The following ESRP1 variants were observed in gnomAD, a reference collection of about 807,000 sequenced individuals.
ESRP1 encodes the protein RNA-binding motif protein 35A.
In ESRP1, 33 loss-of-function variants were observed where a neutral mutation model predicts 81.7. The observed-to-expected ratio is 0.40, with a 90% confidence interval of 0.31 to 0.54. The LOEUF (loss-of-function observed/expected upper bound fraction) is 0.54. Ranked by LOEUF, ESRP1 falls within the 20% of genes least tolerant of loss-of-function variation. The probability of loss-of-function intolerance (pLI) is 0.41; values close to 1 mark genes in which losing one functional copy is unlikely to be tolerated. For synonymous variants in ESRP1, 320 were observed against 303.3 expected (o/e 1.06, Z -0.57); for missense variants, 672 against 833.1 (o/e 0.81, Z 2.38).
chr8:94,655,068 TGTGTG>T (rs1586185717), intron 4 of ESRP1, among the ~76,000 whole-genome samples: 2 of 146,014 alleles, frequency 1.4e-5, no homozygotes, highest in East Asian at 2.0e-4. Flanking sequence ...GGGTTTTTTG[TGTGTG>T]TGTGTGTGTG....
intron 4 of ESRP1, among the ~76,000 whole-genome samples, chr8:94,662,053 G>A (rs1052741919): frequency 3.9e-5 from 6 of 152,118 alleles, no homozygotes; most frequent in African/African-American, 1.2e-4. Flanking sequence ...TTGTATTCCT[G>A]GTAATATCTC....
At chr8:94,698,562 A>G (rs1809695540) in intron 15 of ESRP1, among the ~76,000 whole-genome samples, 1 of 152,228 alleles carries the variant, frequency 6.6e-6, no homozygotes, top group Admixed American at 6.5e-5. Flanking sequence ...CTCAGTCCCC[A>G]TTAATCCACA....
intron 11 of ESRP1, 111 bp from the exon 12 acceptor site, chr8:94,674,197 C>A: frequency 8.1e-7 from 1 of 1,231,334 alleles, no homozygotes; most frequent in Non-Finnish European, 1.1e-6. Flanking sequence ...GATTTTGTGG[C>A]TAAAATATCT....
chr8:94,703,248 G>A (rs893655945), intron 15 of ESRP1, among the ~76,000 whole-genome samples: 18 of 151,438 alleles, frequency 1.2e-4, no homozygotes, highest in African/African-American at 3.9e-4. Context: ...TCCACCTCCC[G>A]GGTTCAAGCG....
chr8:94,644,935 A>C (rs1265044321), intron 3 of ESRP1, among the ~76,000 whole-genome samples: 3 of 147,144 alleles, frequency 2.0e-5, no homozygotes, highest in African/African-American at 5.5e-5. Context: ...CATTATTTAC[A>C]AAGAGCATTC....
At chr8:94,642,746 G>A (rs1182050924) in intron 2 of ESRP1, among the ~76,000 whole-genome samples, 1 of 152,190 alleles carries the variant, frequency 6.6e-6, no homozygotes, top group Admixed American at 6.5e-5. Context: ...GTGCTGACGG[G>A]TGCCGGATCG....
At chr8:94,681,090 C>G (rs982163406) in intron 13 of ESRP1, among the ~76,000 whole-genome samples, 2 of 151,662 alleles carry the variant, frequency 1.3e-5, no homozygotes, top group African/African-American at 4.8e-5. Context: ...CTTTGGGAGG[C>G]CAAGGTGGAC....
intron 13 of ESRP1, among the ~76,000 whole-genome samples, chr8:94,692,026 G>C (rs1809421094): frequency 6.6e-6 from 1 of 152,132 alleles, no homozygotes; most frequent in South Asian, 2.1e-4. Context: ...TTCCTTGGAG[G>C]TTATGGTTGC....
chr8:94,641,521 A>AG lies in ESRP1; in HGVS notation c.132+77dup, dbSNP rs1208901784. ...GTTTGTGGTAGAGGTTTGGGCGGGGAGGGGGGTGGAGGTAAGTAAATAAGT... is the reference window on the plus strand; with the variant it reads ...GTTTGTGGTAGAGGTTTGGGCGGGGAGGGGGGGTGGAGGTAAGTAAATAAGT... On this transcript the variant is annotated intron_variant, in intron 1 of 15. Coordinates refer to ENST00000433389, the MANE Select transcript of ESRP1 (RefSeq NM_017697.4). The AG allele has an allele frequency of 1.3e-5, 20 of 1,582,380 alleles. No homozygotes were observed. The African/African-American group carries it at 2.3e-4, about 18-fold the overall frequency.
Position 94,706,027 on chromosome 8 carries a change from AAC to A in ESRP1, c.*139_*140del. On this transcript the variant is annotated 3_prime_UTR_variant, in exon 16 of 16. Transcript: ENST00000433389. ...CACTCAGGCTGCAGTATTTTCAGCA[AAC>A]TTGATTGGACAAACGGGCCTGTGCC... The A allele has an allele frequency of 7.2e-7, 1 of 1,382,832 alleles. No homozygotes were observed. The highest frequency in any genetic ancestry group is 9.8e-7 in the Non-Finnish European group (1 of 1,022,072). The allele number at this position is 1,382,832 out of a possible 1,614,324, so 85.7% of individuals were successfully genotyped here.
chr8:94,653,958 C>A (rs1453258299), intron 4 of ESRP1, among the ~76,000 whole-genome samples: 1 of 152,210 alleles, frequency 6.6e-6, no homozygotes, highest in Non-Finnish European at 1.5e-5. Context: ...AGTGAAGTGA[C>A]TAGAAATACT....
chr8:94,663,502 T>A (rs1315387228), intron 6 of ESRP1, among the ~76,000 whole-genome samples: 1 of 152,156 alleles, frequency 6.6e-6, no homozygotes, highest in East Asian at 1.9e-4. Flanking sequence ...CACCTTGACA[T>A]CCCAAAGTGC....
chr8:94,646,501 TG>T (rs1331475293), intron 4 of ESRP1: 2 of 406,300 alleles, frequency 4.9e-6, no homozygotes, highest in Non-Finnish European at 8.9e-6. Context: ...ATGGATTTTT[TG>T]GTGGGGTGAT....
chr8:94,641,235 G>A lies in ESRP1; in HGVS notation c.-84G>A. The A allele has an allele frequency of 7.5e-7, 1 of 1,340,728 alleles. No homozygotes were observed. The highest frequency in any genetic ancestry group is 1.3e-5 in the South Asian group (1 of 74,642). 83.1% of individuals were successfully genotyped at this position (1,340,728 alleles called of 1,614,324 possible). A position where few individuals can be genotyped will look rare whatever the true frequency, so the allele number is the denominator to read the frequency against. ...GCTCTTTCTTTTTCTCTTAGAAGAG[G>A]GTTTAGCACAGGTTTTTTCGTTCTC... On this transcript the variant is annotated 5_prime_UTR_variant, in exon 1 of 16. Coordinates refer to ENST00000433389, the MANE Select transcript of ESRP1 (RefSeq NM_017697.4).
At chr8:94,700,063 A>G (rs969162090) in intron 15 of ESRP1, among the ~76,000 whole-genome samples, 1 of 152,210 alleles carries the variant, frequency 6.6e-6, no homozygotes, top group African/African-American at 2.4e-5. Context: ...AATGAAACCC[A>G]GAGAGGTTAG....
At chr8:94,688,458 C>A in intron 13 of ESRP1, 1 of 263,834 alleles carries the variant, frequency 3.8e-6, no homozygotes, top group South Asian at 4.8e-5. Context: ...CCTCAGATTT[C>A]ACGTGCAACT....
intron 12 of ESRP1, among the ~76,000 whole-genome samples, chr8:94,675,997 A>G (rs975780108): frequency 4.6e-5 from 7 of 152,182 alleles, no homozygotes; most frequent in African/African-American, 1.7e-4. Flanking sequence ...AAAGTTTGTT[A>G]ACTTACTTTC....
At chr8:94,658,842 C>G (rs1004684312) in intron 4 of ESRP1, among the ~76,000 whole-genome samples, 2 of 152,208 alleles carry the variant, frequency 1.3e-5, no homozygotes, top group African/African-American at 4.8e-5. Context: ...ACATTAGGGT[C>G]TGCTCACCCA....
rs759733896 is a variant in ESRP1 at position 94,662,369 on chromosome 8, T to C, written c.588T>C (p.Tyr196=). 1.3e-6 allele frequency: 2 copies of C among 1,567,640 alleles called. No homozygotes were observed. The highest frequency in any genetic ancestry group is 1.2e-5 in the South Asian group (1 of 85,186). ...TTTTAGCAATGATTTCAGAGCCTTATAGTAAGTATTGCTTTTATAGTAGTG... is the reference window on the plus strand; with the variant it reads ...TTTTAGCAATGATTTCAGAGCCTTACAGTAAGTATTGCTTTTATAGTAGTG... The part of the protein sequence containing the change: ...NIILAMISEP[Y]NHRFSDPERV... The change falls in exon 5 of 16, where the codon TAT becomes TAC. Residue 196 remains tyrosine (Y), a splice_region_variant and synonymous_variant. Coordinates refer to ENST00000433389, the MANE Select transcript of ESRP1 (RefSeq NM_017697.4).
Sources: allele counts gnomAD v4.1 joint callset (sites outside exome capture counted in the v4.1 genomes callset), GRCh38; gene constraint gnomAD v4.1.1; transcripts MANE v1.5; gene names NCBI Gene and HGNC (gene_info 2026-07-23, HGNC 2026-07-21).